Variants in GLDC observed in about 807,000 individuals in gnomAD.
The protein encoded by GLDC is glycine dehydrogenase (decarboxylating), mitochondrial.
A neutral mutation model predicts 121.3 loss-of-function variants in GLDC; 104 were observed. That is an observed-to-expected ratio of 0.86 (90% CI 0.73 to 1.01). GLDC has a LOEUF of 1.01. Ranked by LOEUF, GLDC falls within the 50% of genes least tolerant of loss-of-function variation. The pLI, the probability that GLDC is intolerant of heterozygous loss-of-function variation, is 0.00. For missense variants in GLDC, 1,429 were observed against 1,306.6 expected, an observed-to-expected ratio of 1.09 and a Z score of -1.44; for synonymous variants, 546 against 480.6, an observed-to-expected ratio of 1.14 and a Z score of -1.78.
chr9:6,622,228 C>G (rs1041049202), intron 2 of GLDC, among the ~76,000 whole-genome samples: 1 of 151,390 alleles, frequency 6.6e-6, no homozygotes. Context: ...AATAAATTCA[C>G]AAGAGATATG....
At chr9:6,609,490 C>T (rs1271061066) in intron 4 of GLDC, among the ~76,000 whole-genome samples, 5 of 152,098 alleles carry the variant, frequency 3.3e-5, no homozygotes, top group African/African-American at 1.2e-4. Context: ...AACAGAGACC[C>T]TCATGCCTTT....
At chr9:6,639,668 A>AATATAT in intron 2 of GLDC, 2 of 248,648 alleles carry the variant, frequency 8.0e-6, no homozygotes, top group Non-Finnish European at 1.3e-5. Context: ...ATAAAAAAAA[A>AATATAT]GTATATATAT....
intron 19 of GLDC, among the ~76,000 whole-genome samples, chr9:6,554,301 A>G (rs1280787896): frequency 6.6e-6 from 1 of 152,174 alleles, no homozygotes; most frequent in Non-Finnish European, 1.5e-5. Flanking sequence ...CTGATTTTAA[A>G]AAAGAAAAAA....
intron 8 of GLDC, among the ~76,000 whole-genome samples, chr9:6,597,574 A>G (rs1818514902): frequency 6.6e-6 from 1 of 152,074 alleles, no homozygotes; most frequent in African/African-American, 2.4e-5. Context: ...TCTATTTTAA[A>G]AAGATTTTTA....
At chr9:6,544,620 CAG>C (rs1385318770) in intron 21 of GLDC, among the ~76,000 whole-genome samples, 1 of 113,342 alleles carries the variant, frequency 8.8e-6, no homozygotes, top group Non-Finnish European at 1.7e-5. Flanking sequence ...GCCTGGGTGA[CAG>C]AGCAAGACTC....
Position 6,554,919 on chromosome 9 carries a change from A to G in GLDC, c.2203-138T>C. 3 of 723,652 alleles carry G rather than the reference A, an allele frequency of 4.1e-6. No individual in the cohort carries two copies. In the East Asian group the frequency reaches 8.0e-5, roughly 19 times the overall value. The allele number at this position is 723,652 out of a possible 1,614,324, so 44.8% of individuals were successfully genotyped here. A position where few individuals can be genotyped will look rare whatever the true frequency, so the allele number is the denominator to read the frequency against. ...AGCCACATCCATGGTGTTCACAGAA[A>G]TGTCCTCTATACTGGCCCAGTTCCG... On this transcript the variant is annotated intron_variant, in intron 18 of 24. Transcript: ENST00000321612.
chr9:6,582,154 G>A (rs561208647), intron 15 of GLDC, among the ~76,000 whole-genome samples: 163 of 141,462 alleles, frequency 1.2e-3, no homozygotes, highest in Middle Eastern at 4.3e-3. Flanking sequence ...GGCGGAGGTT[G>A]CAGTGAGCCA....
intron 24 of GLDC, 72 bp downstream of exon 24, chr9:6,534,636 G>T: frequency 1.3e-6 from 1 of 788,130 alleles, no homozygotes; most frequent in Non-Finnish European, 2.3e-6. Context: ...ATGAGGCTAA[G>T]AGCGTACACC....
intron 18 of GLDC, chr9:6,555,070 C>G (rs941177505): frequency 1.4e-5 from 7 of 486,108 alleles, no homozygotes; most frequent in Admixed American, 6.6e-5. Context: ...TAATTATCCA[C>G]ACACCACAAA....
intron 21 of GLDC, among the ~76,000 whole-genome samples, chr9:6,549,270 C>A (rs1166417590): frequency 1.3e-5 from 2 of 151,808 alleles, no homozygotes; most frequent in South Asian, 2.1e-4. Context: ...ACAAAGCAGG[C>A]GCAGCCTCCA....
intron 24 of GLDC, among the ~76,000 whole-genome samples, chr9:6,533,656 C>T (rs559717168): frequency 6.6e-6 from 1 of 151,726 alleles, no homozygotes; most frequent in African/African-American, 2.4e-5. Flanking sequence ...GTCAGAGGTT[C>T]GAGACCAGCC....
intron 23 of GLDC, among the ~76,000 whole-genome samples, chr9:6,535,594 C>T (rs1817109704): frequency 6.6e-6 from 1 of 152,032 alleles, no homozygotes; most frequent in African/African-American, 2.4e-5. Flanking sequence ...GGACTCTGAC[C>T]AGATGTAAAA....
chr9:6,546,964 AAAT>A (rs5896159), intron 21 of GLDC, among the ~76,000 whole-genome samples: 130 of 151,362 alleles, frequency 8.6e-4, no homozygotes, highest in South Asian at 1.5e-3. Context: ...TCTGTCTCAA[AAAT>A]AATAATAATA....
At chr9:6,576,801 A>C (rs1818074507) in intron 15 of GLDC, among the ~76,000 whole-genome samples, 1 of 152,220 alleles carries the variant, frequency 6.6e-6, no homozygotes, top group Non-Finnish European at 1.5e-5. Context: ...ATTTTGAAGG[A>C]ATGCAAACAT....
At chr9:6,622,591 A>G (rs1819129897) in intron 2 of GLDC, among the ~76,000 whole-genome samples, 1 of 152,162 alleles carries the variant, frequency 6.6e-6, no homozygotes, top group East Asian at 1.9e-4. Context: ...TCGGCTCGCT[A>G]CAACCTCCAC....
chr9:6,546,620 G>A (rs1049343645), intron 21 of GLDC, among the ~76,000 whole-genome samples: 6 of 151,850 alleles, frequency 4.0e-5, no homozygotes, highest in African/African-American at 1.5e-4. Context: ...CCCTGAAGCT[G>A]TTTTACAGTT....
intron 15 of GLDC, chr9:6,566,447 C>G (rs1009472610): frequency 1.3e-5 from 2 of 152,120 alleles, no homozygotes; most frequent in East Asian, 3.8e-4. Context: ...GAGTCAAGGG[C>G]CTGATCAGCC....
At chr9:6,533,193 A>G in intron 24 of GLDC, 33 bp from the exon 25 acceptor site, 1 of 1,609,100 alleles carries the variant, frequency 6.2e-7, no homozygotes, top group Admixed American at 1.7e-5. Flanking sequence ...ATGCTGTGAG[A>G]TGTTCTGGGA....
intron 1 of GLDC, 22 bp from the exon 2 acceptor site, chr9:6,644,714 G>T: frequency 6.5e-7 from 1 of 1,540,232 alleles, no homozygotes; most frequent in Non-Finnish European, 9.0e-7. Context: ...ACGCAAGGCA[G>T]AGGAAAGTGC....
Sources: allele counts gnomAD v4.1 joint callset (sites outside exome capture counted in the v4.1 genomes callset), GRCh38; gene constraint gnomAD v4.1.1; transcripts MANE v1.5; gene names NCBI Gene and HGNC (gene_info 2026-07-23, HGNC 2026-07-21).